GLIS3: variants seen among roughly 807,000 people sequenced by gnomAD.
The protein encoded by GLIS3 is zinc finger protein GLIS3.
In GLIS3, 53 loss-of-function variants were observed where a neutral mutation model predicts 78.6. The observed-to-expected ratio is 0.67, with a 90% CI of 0.54 to 0.85. GLIS3 has a LOEUF of 0.85. GLIS3 is among the 40% of genes least tolerant of loss of function. The pLI is 0.00. For missense variants in GLIS3, 1,703 were observed against 1,231.1 expected, an observed-to-expected ratio of 1.38 and a Z score of -5.74; for synonymous variants, 684 against 509.9, an observed-to-expected ratio of 1.34 and a Z score of -4.60.
intron 2 of GLIS3, among the ~76,000 whole-genome samples, chr9:4,181,486 A>C (rs1256598714): frequency 6.6e-6 from 1 of 152,198 alleles, no homozygotes; most frequent in African/African-American, 2.4e-5. Context: ...ACCCAAAGGC[A>C]CTATAGTGGA....
chr9:4,188,934 T>C (rs956608812), intron 2 of GLIS3, among the ~76,000 whole-genome samples: 5 of 152,210 alleles, frequency 3.3e-5, no homozygotes, highest in Non-Finnish European at 5.9e-5. Context: ...TTGTTGATCC[T>C]TTCAACAAAC....
chr9:4,429,240 G>T, the GLIS3 span, among the ~76,000 whole-genome samples: 1 of 151,934 alleles, frequency 6.6e-6, no homozygotes, highest in Non-Finnish European at 1.5e-5. Flanking sequence ...TGGCTTTCCC[G>T]CTATTCTTAA....
At chr9:4,091,471 A>C (rs1466532295) in intron 4 of GLIS3, among the ~76,000 whole-genome samples, 1 of 152,176 alleles carries the variant, frequency 6.6e-6, no homozygotes, top group African/African-American at 2.4e-5. Flanking sequence ...CAATAATAAT[A>C]AACACAGATC....
At chr9:4,161,878 G>C (rs1194369723) in intron 2 of GLIS3, among the ~76,000 whole-genome samples, 1 of 150,166 alleles carries the variant, frequency 6.7e-6, no homozygotes, top group African/African-American at 2.5e-5. Flanking sequence ...AGAGATGGGG[G>C]TTTCACCATG....
chr9:4,132,921 GT>G (rs1403096336), intron 2 of GLIS3, among the ~76,000 whole-genome samples: 1 of 152,184 alleles, frequency 6.6e-6, no homozygotes, highest in Non-Finnish European at 1.5e-5. Context: ...TCAGCGTACT[GT>G]TCTAAAATGG....
At chr9:3,919,099 GCCA>G (rs1321361907) in intron 6 of GLIS3, among the ~76,000 whole-genome samples, 2 of 152,270 alleles carry the variant, frequency 1.3e-5, no homozygotes, top group East Asian at 3.9e-4. Flanking sequence ...TGCTGACCTA[GCCA>G]CCAAGAGGAG....
intron 2 of GLIS3, among the ~76,000 whole-genome samples, chr9:4,229,282 G>T (rs752831987): frequency 1.3e-5 from 2 of 152,176 alleles, no homozygotes; most frequent in African/African-American, 4.8e-5. Flanking sequence ...TTTACCATGC[G>T]CACATACTTT....
At chr9:3,959,130 G>A (rs1419246538) in intron 4 of GLIS3, among the ~76,000 whole-genome samples, 1 of 152,200 alleles carries the variant, frequency 6.6e-6, no homozygotes, top group East Asian at 1.9e-4. Context: ...ATCAGGAAGT[G>A]GGTCCTTTGG....
rs115696780 is a variant in GLIS3, at chr9:4,212,981, A to T, written c.388+73057T>A. Among the ~76,000 whole-genome samples, 927 of 152,178 alleles carry T rather than the reference A, an allele frequency of 6.1e-3. 9 individuals are homozygous for T. The highest frequency in any genetic ancestry group is 0.021 in the African/African-American group (851 of 41,506). On this transcript the variant is annotated intron_variant, in intron 2 of 10. Transcript: ENST00000381971. The stretch of plus-strand genomic sequence containing the variant: ...AGAAGCCAAAACTAGAAACAGGAAG[A>T]CCCGTTCATTAGGAGGCTGTTGGAG...
At chr9:4,467,018 G>A in the GLIS3 span, among the ~76,000 whole-genome samples, 10 of 152,300 alleles carry the variant, frequency 6.6e-5, no homozygotes, top group Non-Finnish European at 1.0e-4. Context: ...CCATGCCCAC[G>A]GTGCCTCACT....
chr9:4,115,713 G>A (rs1403119764), intron 4 of GLIS3, among the ~76,000 whole-genome samples: 2 of 152,072 alleles, frequency 1.3e-5, no homozygotes, highest in Admixed American at 6.5e-5. Context: ...AGAAAATGAA[G>A]GCTTCCTGCT....
the GLIS3 span, among the ~76,000 whole-genome samples, chr9:4,415,607 G>GA: frequency 6.6e-6 from 1 of 152,124 alleles, no homozygotes; most frequent in Non-Finnish European, 1.5e-5. Context: ...ATGCAAGCCT[G>GA]AAAAAATTGC....
intron 4 of GLIS3, among the ~76,000 whole-genome samples, chr9:3,984,538 G>A (rs1212771566): frequency 6.6e-6 from 1 of 152,234 alleles, no homozygotes; most frequent in Non-Finnish European, 1.5e-5. Context: ...TATCTAGGAA[G>A]TAAGTAACTT....
At chr9:4,480,735 T>G in the GLIS3 span, among the ~76,000 whole-genome samples, 1 of 152,212 alleles carries the variant, frequency 6.6e-6, no homozygotes, top group African/African-American at 2.4e-5. Flanking sequence ...AATTTTAATA[T>G]TACCCTTAAC....
chr9:4,246,786 T>C (rs1823845003), intron 2 of GLIS3, among the ~76,000 whole-genome samples: 1 of 152,228 alleles, frequency 6.6e-6, no homozygotes, highest in Non-Finnish European at 1.5e-5. Flanking sequence ...AACGGGTTTT[T>C]CAAGTTCTGT....
intron 4 of GLIS3, among the ~76,000 whole-genome samples, chr9:4,107,967 T>C (rs1159415460): frequency 1.3e-5 from 2 of 152,126 alleles, no homozygotes; most frequent in Non-Finnish European, 2.9e-5. Flanking sequence ...TGTGCATGCA[T>C]GTGTGCACAT....
rs545955002 is a variant in GLIS3, at chr9:4,207,433, G to T, written c.388+78605C>A. ...AGAAACATTTGCAGGATTAAAATGT[G>T]TATTTTTTTCATTATGCCTTTACCT... On this transcript the variant is annotated intron_variant, in intron 2 of 10. Transcript: ENST00000381971. Among the ~76,000 whole-genome samples the T allele has an allele frequency of 2.0e-5, 3 of 152,308 alleles. No homozygotes were observed. In the East Asian group the frequency reaches 5.8e-4, roughly 29 times the overall value.
intron 4 of GLIS3, among the ~76,000 whole-genome samples, chr9:4,099,454 A>G (rs950955755): frequency 2.3e-4 from 30 of 127,698 alleles, no homozygotes; most frequent in Middle Eastern, 4.0e-3. Context: ...ACCTTCCCCC[A>G]ATGCACACAT....
intron 6 of GLIS3, among the ~76,000 whole-genome samples, chr9:3,915,909 C>G (rs937385659): frequency 3.3e-5 from 5 of 152,092 alleles, no homozygotes; most frequent in Admixed American, 6.6e-5. Context: ...TCTTTCTTCC[C>G]CAACCATCCT....
Sources: gnomAD v4.1 joint callset for allele counts (sites outside exome capture counted in the v4.1 genomes callset) on GRCh38, gnomAD v4.1.1 for gene constraint, MANE v1.5 for transcripts, NCBI Gene and HGNC (gene_info 2026-07-23, HGNC 2026-07-21) for gene names.